PIK3C3: variants seen among roughly 807,000 people sequenced by gnomAD.
PIK3C3 encodes phosphatidylinositol 3-kinase catalytic subunit type 3.
In PIK3C3, 95 loss-of-function variants were observed where a neutral mutation model predicts 126.1. The ratio of observed to expected loss-of-function variants is 0.75; its 90% CI spans 0.64 to 0.89. The LOEUF (loss-of-function observed/expected upper bound fraction) is 0.89. Among genes scored for constraint, PIK3C3 ranks in the 40% least tolerant of loss-of-function variants. PIK3C3 has a pLI of 0.00. For missense variants in PIK3C3, 829 were observed against 1,063.2 expected (o/e 0.78, Z 3.06); for synonymous variants, 374 against 360.0 (o/e 1.04, Z -0.44).
At chr18:42,065,375 A>G (rs1334725028) in intron 23 of PIK3C3, among the ~76,000 whole-genome samples, 1 of 152,204 alleles carries the variant, frequency 6.6e-6, no homozygotes, top group African/African-American at 2.4e-5. Flanking sequence ...TAATTACTGA[A>G]CAGATAGGAC....
At chr18:41,976,308 AG>A (rs1980918900) in intron 4 of PIK3C3, among the ~76,000 whole-genome samples, 1 of 152,140 alleles carries the variant, frequency 6.6e-6, no homozygotes, top group South Asian at 2.1e-4. Context: ...ATGTACATGT[AG>A]AAGTCCTCTT....
chr18:42,064,940 C>A, intron 23 of PIK3C3, 110 bp downstream of exon 23: 1 of 627,720 alleles, frequency 1.6e-6, no homozygotes. Flanking sequence ...TTCCTTGTTC[C>A]TGCCCACAGT....
At chr18:42,058,087 A>G in intron 22 of PIK3C3, 36 bp downstream of exon 22, 1 of 1,504,418 alleles carries the variant, frequency 6.6e-7, no homozygotes, top group South Asian at 1.3e-5. Context: ...AATTTGGGTA[A>G]ATTTATTTTA....
chr18:41,993,424 C>G, intron 7 of PIK3C3, 83 bp downstream of exon 7: 9 of 854,020 alleles, frequency 1.1e-5, no homozygotes, highest in Non-Finnish European at 1.7e-5. Flanking sequence ...TTTCTTTAAA[C>G]AAAGTAATAT....
intron 3 of PIK3C3, among the ~76,000 whole-genome samples, chr18:41,963,308 G>A (rs987092027): frequency 6.6e-6 from 1 of 152,112 alleles, no homozygotes; most frequent in African/African-American, 2.4e-5. Flanking sequence ...TCCCTTTACC[G>A]ATTTTAAGAC....
chr18:41,995,944 C>A lies in PIK3C3; in HGVS notation c.841C>A (p.Pro281Thr), dbSNP rs1157860440. The A allele has an allele frequency of 5.6e-6, 9 of 1,612,982 alleles. No individual in the cohort carries two copies. The highest frequency in any genetic ancestry group is 3.3e-5 in the South Asian group (3 of 91,032). Residue 281 changes from proline to threonine, a missense_variant, in exon 8 of 25, where the codon CCT becomes ACT. Physicochemically the swap from Pro to Thr is conservative, Grantham distance 38. Transcript: ENST00000262039. ...GCTTGCCCGGAGTTTAAGAAGTGGA[C>A]CTTCTGACCACGATCTGAAACCCAA... ...HKLARSLRSGPSDHDLKPNAA... is the reference protein window; with the variant it reads ...HKLARSLRSGTSDHDLKPNAA...
chr18:42,073,159 G>T (rs1985845907), intron 24 of PIK3C3, among the ~76,000 whole-genome samples: 1 of 152,144 alleles, frequency 6.6e-6, no homozygotes, highest in Non-Finnish European at 1.5e-5. Flanking sequence ...GGTTCAGAAG[G>T]TTCAGAAGTT....
At chr18:42,045,838 A>G (rs376684236) in intron 20 of PIK3C3, among the ~76,000 whole-genome samples, 4 of 152,302 alleles carry the variant, frequency 2.6e-5, no homozygotes, top group African/African-American at 4.8e-5. Context: ...TTTTTACTAT[A>G]GCATAGTTAT....
Position 42,028,871 on chromosome 18 carries a change from A to G in PIK3C3, c.1591-454A>G, listed in dbSNP as rs186718551. ...TTTATGACTTATATTTTAAGCACAT[A>G]TTGTGGTGCTATTTGAAGTTTTCTT... On this transcript the variant is annotated intron_variant, in intron 14 of 24. Coordinates refer to ENST00000262039, the MANE Select transcript of PIK3C3 (RefSeq NM_002647.4). Among the ~76,000 whole-genome samples the G allele has an allele frequency of 1.7e-4, 26 of 152,354 alleles. 1 individual carries two copies. Among genetic ancestry groups the G allele is most frequent in the Admixed American group, 1.6e-3 (24 of 15,304 alleles).
At chr18:41,955,507 C>T in intron 1 of PIK3C3, 148 bp downstream of exon 1, 1 of 636,164 alleles carries the variant, frequency 1.6e-6, no homozygotes, top group Non-Finnish European at 2.8e-6. Flanking sequence ...CAGGGAGGCG[C>T]GAGAGAGTGG....
chr18:41,961,899 A>G (rs574994289), intron 2 of PIK3C3, among the ~76,000 whole-genome samples: 2 of 152,326 alleles, frequency 1.3e-5, no homozygotes, highest in South Asian at 4.1e-4. Flanking sequence ...TGTGCTTTGA[A>G]AGCATAAAGC....
chr18:42,027,592 C>A (rs750191293), intron 14 of PIK3C3, 44 bp downstream of exon 14: 4 of 1,073,778 alleles, frequency 3.7e-6, no homozygotes, highest in South Asian at 2.6e-5. Flanking sequence ...GCACATGGGC[C>A]AAATTCAGCC....
Position 42,004,603 on chromosome 18 carries a change from CTATG to C in PIK3C3, c.1170+64_1170+67del, listed in dbSNP as rs1302073688. ...TTTTAAACTAGAGCCTAATTATAAA[CTATG>C]TGTGTATGTGTGTGTGAGAGTGAGA... On this transcript the variant is annotated intron_variant, in intron 10 of 24. Coordinates refer to ENST00000262039, the MANE Select transcript of PIK3C3 (RefSeq NM_002647.4). 23 of 1,307,442 alleles carry C rather than the reference CTATG, an allele frequency of 1.8e-5. No homozygotes were observed. In the Admixed American group the frequency reaches 5.4e-4, roughly 30 times the overall value. The allele number at this position is 1,307,442 out of a possible 1,614,324, so 81.0% of individuals were successfully genotyped here.
rs772354291 is a variant in PIK3C3, at chr18:41,970,458, TAAA to T, written c.531+7_531+9del. 10 of 1,613,478 alleles carry T rather than the reference TAAA, an allele frequency of 6.2e-6. No individual in the cohort carries two copies. In the African/African-American group the frequency reaches 1.3e-4, roughly 22 times the overall value. ...GATCAGATGAGCCGTCTTGCCAAGG[TAAA>T]AAAAGTCATTTGGAACAGGTGCAAA... On this transcript the variant is annotated splice_donor_5th_base_variant and intron_variant, in intron 4 of 24. Transcript: ENST00000262039.
chr18:41,969,653 GA>G (rs1980554946), intron 3 of PIK3C3, among the ~76,000 whole-genome samples: 3 of 152,300 alleles, frequency 2.0e-5, no homozygotes, highest in African/African-American at 4.8e-5. Context: ...AAAGAAAGGA[GA>G]AATCAATTTG....
intron 2 of PIK3C3, among the ~76,000 whole-genome samples, chr18:41,959,727 G>C (rs1279359522): frequency 6.6e-6 from 1 of 152,100 alleles, no homozygotes; most frequent in East Asian, 1.9e-4. Flanking sequence ...CCAGGAGGCA[G>C]AGGTTGCAGT....
chr18:41,993,351 T>C lies in PIK3C3; in HGVS notation c.786+10T>C. 6.4e-7 allele frequency: 1 copy of C among 1,571,548 alleles called. No homozygotes were observed. The highest frequency in any genetic ancestry group is 2.2e-5 in the East Asian group (1 of 44,486). On this transcript the variant is annotated intron_variant, in intron 7 of 24. Transcript: ENST00000262039. The stretch of plus-strand genomic sequence containing the variant: ...CCCCCAGATGTCTATGGTAAGTTAT[T>C]GTGCAATTTTTTTATGAAAGTACTT...
chr18:42,030,857 C>T (rs1476565180), intron 15 of PIK3C3, among the ~76,000 whole-genome samples: 1 of 152,138 alleles, frequency 6.6e-6, no homozygotes, highest in African/African-American at 2.4e-5. Flanking sequence ...GTGCCAGGAG[C>T]TCTTCAATTT....
chr18:42,047,063 G>A (rs1313015664), intron 20 of PIK3C3, among the ~76,000 whole-genome samples: 1 of 152,120 alleles, frequency 6.6e-6, no homozygotes, highest in East Asian at 1.9e-4. Context: ...CATAATTCAT[G>A]TATATCCAGT....
Sources: gnomAD v4.1 joint callset for allele counts (sites outside exome capture counted in the v4.1 genomes callset) on GRCh38, gnomAD v4.1.1 for gene constraint, MANE v1.5 for transcripts, NCBI Gene and HGNC (gene_info 2026-07-23, HGNC 2026-07-21) for gene names.